USP32: variants seen among roughly 807,000 people sequenced by gnomAD.
USP32 encodes ubiquitin carboxyl-terminal hydrolase 32.
A neutral mutation model predicts 204.8 loss-of-function variants in USP32; 59 were observed. The ratio of observed to expected loss-of-function variants is 0.29; its 90% CI spans 0.23 to 0.36. The LOEUF is 0.36. Ranked by LOEUF, USP32 falls within the 10% of genes least tolerant of loss-of-function variation. The probability of loss-of-function intolerance (pLI) is 1.00; values close to 1 mark genes in which losing one functional copy is unlikely to be tolerated. For missense variants in USP32, 1,160 were observed against 1,946.4 expected (o/e 0.60, Z 7.60); for synonymous variants, 517 against 678.4 (o/e 0.76, Z 3.70).
chr17:60,277,241 TA>T (rs1174040727), intron 5 of USP32, among the ~76,000 whole-genome samples: 1 of 152,214 alleles, frequency 6.6e-6, no homozygotes, highest in Admixed American at 6.5e-5. Flanking sequence ...TGGGCCATCC[TA>T]ATCAGGTCTC....
At chr17:60,287,918 C>T (rs1036442949) in intron 5 of USP32, among the ~76,000 whole-genome samples, 1 of 151,488 alleles carries the variant, frequency 6.6e-6, no homozygotes, top group African/African-American at 2.4e-5. Flanking sequence ...TCGAGACCAT[C>T]CTGGCTAACA....
chr17:60,304,573 A>C (rs1037695527), intron 2 of USP32, among the ~76,000 whole-genome samples: 3 of 152,206 alleles, frequency 2.0e-5, no homozygotes, highest in African/African-American at 7.2e-5. Flanking sequence ...AGCAGTCTAC[A>C]TCAGTAAGAG....
chr17:60,296,006 C>A (rs2145874267), intron 3 of USP32, among the ~76,000 whole-genome samples: 1 of 152,062 alleles, frequency 6.6e-6, no homozygotes, highest in East Asian at 1.9e-4. Context: ...TGTATAAAAA[C>A]CAGCATGAGA....
At chr17:60,203,056 A>G (rs1402374121) in intron 26 of USP32, among the ~76,000 whole-genome samples, 1 of 148,902 alleles carries the variant, frequency 6.7e-6, no homozygotes, top group African/African-American at 2.5e-5. Flanking sequence ...CTTTGGAGGA[A>G]GCCCCCACCC....
intron 5 of USP32, among the ~76,000 whole-genome samples, chr17:60,277,749 A>G (rs945327486): frequency 8.5e-5 from 13 of 152,200 alleles, no homozygotes; most frequent in African/African-American, 3.1e-4. Context: ...CAAAGAAATC[A>G]CTCAGTTAGC....
intron 2 of USP32, among the ~76,000 whole-genome samples, chr17:60,310,789 A>C (rs2087834802): frequency 6.6e-6 from 1 of 152,214 alleles, no homozygotes; most frequent in African/African-American, 2.4e-5. Flanking sequence ...TAATCCTAGC[A>C]CTTTGGGAGG....
chr17:60,349,137 CAT>C (rs1451098780), intron 1 of USP32, among the ~76,000 whole-genome samples: 1 of 150,246 alleles, frequency 6.7e-6, no homozygotes, highest in Non-Finnish European at 1.5e-5. Flanking sequence ...ATTAGAATAA[CAT>C]AGTATTAGAA....
chr17:60,266,702 C>CTG (rs944975892), intron 7 of USP32, among the ~76,000 whole-genome samples: 3 of 149,846 alleles, frequency 2.0e-5, no homozygotes, highest in African/African-American at 7.4e-5. Flanking sequence ...GTCGCCCAGG[C>CTG]TGTGGTGCAG....
intron 12 of USP32, among the ~76,000 whole-genome samples, chr17:60,227,663 T>C (rs990096335): frequency 2.6e-5 from 4 of 152,054 alleles, no homozygotes; most frequent in African/African-American, 7.2e-5. Context: ...TACTCCTGCC[T>C]GGGCCTCCCA....
At chr17:60,288,705 T>G (rs754972613) in intron 4 of USP32, 23 bp from the exon 5 acceptor site, 1 of 1,585,582 alleles carries the variant, frequency 6.3e-7, no homozygotes, top group Non-Finnish European at 8.6e-7. Context: ...CAAGAAAACA[T>G]AAGTTTAGTC....
At chr17:60,249,465 G>C (rs773844063) in intron 11 of USP32, 2 of 423,742 alleles carry the variant, frequency 4.7e-6, no homozygotes, top group Non-Finnish European at 8.4e-6. Context: ...TTAGTCTGCT[G>C]CTTCCCCTAA....
In USP32 at chr17:60,211,477, C is replaced by G; in HGVS notation, c.2217G>C (p.Leu739=). The G allele has an allele frequency of 1.2e-6, 2 of 1,613,736 alleles. No homozygotes were observed. The highest frequency in any genetic ancestry group is 1.7e-6 in the Non-Finnish European group (2 of 1,179,758). Reference sequence around the variant, plus strand: ...TTGAGTTCATGAAGCATGTGTTTCCCAGATTGCTTAGACCTGTGGCTCCCT... The same window carrying G: ...TTGAGTTCATGAAGCATGTGTTTCCGAGATTGCTTAGACCTGTGGCTCCCT... The part of the protein sequence containing the change: ...TEKGATGLSN[L]GNTCFMNSSI... The change falls in exon 20 of 34, where the codon CTG becomes CTC. Residue 739 remains leucine, a synonymous_variant. Transcript: ENST00000300896.
rs2088413456 is a variant in USP32 at position 60,332,491 on chromosome 17, T to C, written c.186+12990A>G. On this transcript the variant is annotated intron_variant, in intron 2 of 33. Coordinates refer to ENST00000300896, the MANE Select transcript of USP32 (RefSeq NM_032582.4). ...AGTGAAACCACGACTCTACTAAAAA[T>C]AAAAAAATTAGCTGGGCGTGGTGGT... Among the ~76,000 whole-genome samples, 7 of 148,324 alleles carry C rather than the reference T, an allele frequency of 4.7e-5. No individual in the cohort carries two copies. The South Asian group carries it at 1.5e-3, about 32-fold the overall frequency.
chr17:60,294,581 T>C (rs1259835251), intron 4 of USP32, 102 bp downstream of exon 4: 1 of 628,938 alleles, frequency 1.6e-6, no homozygotes, highest in Non-Finnish European at 2.7e-6. Context: ...CCAAGAGTAA[T>C]CTGCACATAA....
At chr17:60,210,582 C>T (rs2084935691) in intron 21 of USP32, among the ~76,000 whole-genome samples, 1 of 152,244 alleles carries the variant, frequency 6.6e-6, no homozygotes. Flanking sequence ...GCTGAGATTA[C>T]AGGCGTGAGC....
intron 1 of USP32, among the ~76,000 whole-genome samples, chr17:60,406,231 C>T (rs2089975096): frequency 1.3e-5 from 2 of 148,728 alleles, no homozygotes; most frequent in South Asian, 4.2e-4. Context: ...TTGTTCTTGT[C>T]ATCCAGGGAC....
intron 1 of USP32, among the ~76,000 whole-genome samples, chr17:60,353,034 T>C (rs1384192776): frequency 6.6e-6 from 1 of 152,256 alleles, no homozygotes; most frequent in Non-Finnish European, 1.5e-5. Context: ...ACATTTCTGT[T>C]ATGAAATGAA....
In USP32 at chr17:60,333,635, AGAAG is replaced by A. The variant is rs1484079748; in HGVS notation, c.186+11842_186+11845del. Among the ~76,000 whole-genome samples, 4 of 150,214 alleles carry A rather than the reference AGAAG, an allele frequency of 2.7e-5. No individual in the cohort carries two copies. The East Asian group carries it at 6.0e-4, about 22-fold the overall frequency. ...ATAAATAAATAAAGGTAAGAAAGAAAGAAGGAAGAAAGAAAGGGAGGGAGAGAAG... is the reference window on the plus strand; with the variant it reads ...ATAAATAAATAAAGGTAAGAAAGAAAGAAGAAAGAAAGGGAGGGAGAGAAG... On this transcript the variant is annotated intron_variant, in intron 2 of 33. Coordinates refer to ENST00000300896, the MANE Select transcript of USP32 (RefSeq NM_032582.4).
chr17:60,399,379 G>A (rs1031650843), intron 1 of USP32, among the ~76,000 whole-genome samples: 4 of 152,178 alleles, frequency 2.6e-5, no homozygotes, highest in Non-Finnish European at 5.9e-5. Flanking sequence ...ATGGGGCTGG[G>A]CATGGTGGCT....
Sources: allele counts gnomAD v4.1 joint callset (sites outside exome capture counted in the v4.1 genomes callset), GRCh38; gene constraint gnomAD v4.1.1; transcripts MANE v1.5; gene names NCBI Gene and HGNC (gene_info 2026-07-23, HGNC 2026-07-21).